The following GMDS variants were observed in gnomAD, a reference collection of about 807,000 sequenced individuals.
GMDS encodes GDP-mannose 4,6 dehydratase.
Under a neutral mutation model 49.9 loss-of-function variants are expected in GMDS, and 20 were observed. The observed-to-expected ratio is 0.40, with a 90% CI of 0.28 to 0.58. The LOEUF is 0.58. Among genes scored for constraint, GMDS ranks in the 20% least tolerant of loss-of-function variants. The probability of loss-of-function intolerance (pLI) is 0.42; values close to 1 mark genes in which losing one functional copy is unlikely to be tolerated. For missense variants in GMDS, 362 were observed against 481.4 expected, an observed-to-expected ratio of 0.75 and a Z score of 2.32; for synonymous variants, 177 against 178.6, an observed-to-expected ratio of 0.99 and a Z score of 0.07.
chr6:2,039,429 A>T, intron 4 of GMDS, among the ~76,000 whole-genome samples: 1 of 152,216 alleles, frequency 6.6e-6, no homozygotes, highest in South Asian at 2.1e-4. Flanking sequence ...TTAGCTCACC[A>T]TAAATTTTTT....
rs1037175901 is a variant in GMDS at position 1,766,761 on chromosome 6, G to A, written c.772-24175C>T. ...CACGGAGGAGCTGCACATCGAACAT[G>A]CTAAAAACTGCGTTATGTTTTTTAA... On this transcript the variant is annotated intron_variant, in intron 7 of 10. Transcript: ENST00000380815. This position sits in a 1 kb window ranked among gnomAD's most constrained non-coding sequence, Gnocchi z 4.5. Among the ~76,000 whole-genome samples the A allele has an allele frequency of 4.6e-5, 7 of 152,192 alleles. No homozygotes were observed. Among genetic ancestry groups the A allele is most frequent in the Non-Finnish European group, 1.0e-4 (7 of 68,042 alleles).
chr6:2,030,360 A>C (rs1235190756), intron 4 of GMDS, among the ~76,000 whole-genome samples: 1 of 152,218 alleles, frequency 6.6e-6, no homozygotes. Context: ...TGGTGGTTGT[A>C]AAGCACCTGG....
intron 7 of GMDS, among the ~76,000 whole-genome samples, chr6:1,767,825 C>T (rs974692201): frequency 6.6e-5 from 10 of 152,176 alleles, no homozygotes; most frequent in African/African-American, 2.2e-4. Context: ...CTCTCCCAAA[C>T]ATGAAAATAC....
chr6:1,697,534 C>T (rs1384787669), intron 9 of GMDS, among the ~76,000 whole-genome samples: 3 of 152,174 alleles, frequency 2.0e-5, no homozygotes, highest in Non-Finnish European at 4.4e-5. Flanking sequence ...ATGCAAAAAC[C>T]TTGGCGCGCT....
At chr6:1,920,768 A>G (rs918426153) in intron 7 of GMDS, among the ~76,000 whole-genome samples, 2 of 152,206 alleles carry the variant, frequency 1.3e-5, no homozygotes, top group African/African-American at 4.8e-5. Flanking sequence ...ACAGGTGGGG[A>G]GCAGGGCAGG....
At chr6:2,029,225 T>A (rs997805839) in intron 4 of GMDS, among the ~76,000 whole-genome samples, 1 of 152,138 alleles carries the variant, frequency 6.6e-6, no homozygotes, top group African/African-American at 2.4e-5. Flanking sequence ...TGTGTCTGTG[T>A]GTGTCTGTCT....
At chr6:2,183,271 T>C (rs531863009) in intron 1 of GMDS, among the ~76,000 whole-genome samples, 2 of 152,340 alleles carry the variant, frequency 1.3e-5, no homozygotes, top group South Asian at 4.1e-4. Flanking sequence ...CATTCTAGAT[T>C]CATGATTCAT....
chr6:2,069,872 T>G (rs12179846), intron 4 of GMDS, among the ~76,000 whole-genome samples: 93,984 of 151,690 alleles, frequency 0.62, 29,465 homozygotes, highest in East Asian at 0.72. Context: ...ATCCCTCAGG[T>G]ATCTAGAATT....
chr6:2,136,835 C>G (rs1232798571), intron 1 of GMDS, among the ~76,000 whole-genome samples: 1 of 147,852 alleles, frequency 6.8e-6, no homozygotes, highest in Non-Finnish European at 1.5e-5. Context: ...CCCAAGAGTT[C>G]AAGACTGCAG....
intron 4 of GMDS, among the ~76,000 whole-genome samples, chr6:1,992,568 C>T (rs1766019104): frequency 6.6e-6 from 1 of 152,190 alleles, no homozygotes; most frequent in Non-Finnish European, 1.5e-5. Context: ...ATGGCTACCA[C>T]CCCCAACTTT....
At chr6:1,941,978 G>C (rs2628437) in intron 6 of GMDS, among the ~76,000 whole-genome samples, 1 of 152,098 alleles carries the variant, frequency 6.6e-6, no homozygotes, top group African/African-American at 2.4e-5. Context: ...CTCCTACGCC[G>C]TGAACTGAGT....
chr6:1,644,268 G>A (rs1265747612), intron 9 of GMDS, among the ~76,000 whole-genome samples: 2 of 152,206 alleles, frequency 1.3e-5, no homozygotes, highest in African/African-American at 4.8e-5. Flanking sequence ...ATAGCGGATG[G>A]CACTGCAGCT....
intron 7 of GMDS, among the ~76,000 whole-genome samples, chr6:1,893,925 G>A (rs1561870018): frequency 6.6e-6 from 1 of 152,192 alleles, no homozygotes; most frequent in African/African-American, 2.4e-5. Context: ...GGCAGGAGGC[G>A]CTCCTGAGTT....
chr6:1,689,734 A>C (rs9647654), intron 9 of GMDS, among the ~76,000 whole-genome samples: 53,706 of 152,082 alleles, frequency 0.35, 9,775 homozygotes, highest in East Asian at 0.5. Context: ...CACCTTGGCA[A>C]AGGATTAATA....
At chr6:1,781,490 G>A (rs1211029248) in intron 7 of GMDS, among the ~76,000 whole-genome samples, 3 of 152,162 alleles carry the variant, frequency 2.0e-5, no homozygotes, top group Non-Finnish European at 4.4e-5. Context: ...ACTTCCTCAG[G>A]CCACTGCTCC....
chr6:1,641,302 C>T (rs1019750030), intron 9 of GMDS, among the ~76,000 whole-genome samples: 3 of 152,230 alleles, frequency 2.0e-5, no homozygotes, highest in Non-Finnish European at 4.4e-5. Flanking sequence ...CAGGGACAAT[C>T]TATGTCACTG....
Position 1,960,015 on chromosome 6 carries a change from G to T in GMDS, c.539-44C>A. 5 of 1,162,256 alleles carry T rather than the reference G, an allele frequency of 4.3e-6. 1 individual carries two copies. Among genetic ancestry groups the T allele is most frequent in the Non-Finnish European group, 6.4e-6 (5 of 785,412 alleles). 72.0% of individuals were successfully genotyped at this position (1,162,256 alleles called of 1,614,324 possible). ...TTAAGCAATGAAGTTTGTTGTAAAA[G>T]ACAGTGATTCTCACCATCTTCAACA... On this transcript the variant is annotated intron_variant, in intron 5 of 10. Coordinates refer to ENST00000380815, the MANE Select transcript of GMDS (RefSeq NM_001500.4).
At chr6:1,816,160 G>A (rs1412895122) in intron 7 of GMDS, among the ~76,000 whole-genome samples, 1 of 151,584 alleles carries the variant, frequency 6.6e-6, no homozygotes, top group Non-Finnish European at 1.5e-5. Context: ...GAGGGTGGGA[G>A]AAGAAGTGAC....
rs545852799 is a variant in GMDS, at chr6:1,741,374, T to G, written c.890+1094A>C. ...TTCCTCAGCTTCTGGTAAGCACCAT[T>G]CTACTCTCTGCTTCTCTATCATCTT... is the stretch of plus-strand genomic sequence containing the variant. On this transcript the variant is annotated intron_variant, in intron 8 of 10. Transcript: ENST00000380815. 1.1e-4 allele frequency among the ~76,000 whole-genome samples: 17 copies of G among 152,298 alleles called. No individual in the cohort carries two copies. The South Asian group carries it at 1.2e-3, about 11-fold the overall frequency.
Sources: allele counts gnomAD v4.1 joint callset (sites outside exome capture counted in the v4.1 genomes callset), GRCh38; gene constraint gnomAD v4.1.1; non-coding constraint Gnocchi (gnomAD v3.1); transcripts MANE v1.5; gene names NCBI Gene and HGNC (gene_info 2026-07-23, HGNC 2026-07-21).